The following PKP4 variants were observed in gnomAD, a reference collection of about 807,000 sequenced individuals.
The protein encoded by PKP4 is plakophilin-4.
A neutral mutation model predicts 145.1 loss-of-function variants in PKP4; 90 were observed. That is an observed-to-expected ratio of 0.62 (90% confidence interval 0.52 to 0.74). The LOEUF (loss-of-function observed/expected upper bound fraction) is 0.74, where lower values mean the gene tolerates loss of function less well. Among genes scored for constraint, PKP4 ranks in the 30% least tolerant of loss-of-function variants. The probability of loss-of-function intolerance (pLI) is 0.00; values close to 1 mark genes in which losing one functional copy is unlikely to be tolerated. For synonymous variants in PKP4, 563 were observed against 577.2 expected (o/e 0.98, Z 0.35); for missense variants, 1,340 against 1,482.7 (o/e 0.90, Z 1.58).
Position 158,673,942 on chromosome 2 carries a change from C to A in PKP4, c.3069C>A (p.Phe1023Leu). The A allele has an allele frequency of 6.2e-7, 1 of 1,613,378 alleles. No individual in the cohort carries two copies. Among genetic ancestry groups the A allele is most frequent in the Non-Finnish European group, 8.5e-7 (1 of 1,179,270 alleles). The change falls in exon 19 of 22, where the codon TTC becomes TTA. Residue 1023 changes from phenylalanine to leucine, a missense_variant. Physicochemically the swap from Phe to Leu is conservative, Grantham distance 22. Coordinates refer to ENST00000389759, the MANE Select transcript of PKP4 (RefSeq NM_003628.6). ...TGTCGACATTGGAGCGAGACCGATTCAAATCACATCCTTCCTTGTCTACCA... is the reference window on the plus strand; with the variant it reads ...TGTCGACATTGGAGCGAGACCGATTAAAATCACATCCTTCCTTGTCTACCA... ...TPVSTLERDR[F>L]KSHPSLSTTN...
At chr2:158,657,192 C>G (rs2056060704) in intron 11 of PKP4, among the ~76,000 whole-genome samples, 1 of 152,192 alleles carries the variant, frequency 6.6e-6, no homozygotes, top group Non-Finnish European at 1.5e-5. Flanking sequence ...CTACTTTCCT[C>G]TTACTCAGGA....
intron 17 of PKP4, among the ~76,000 whole-genome samples, chr2:158,673,197 G>A (rs762293446): frequency 1.1e-4 from 16 of 152,140 alleles, no homozygotes; most frequent in East Asian, 1.9e-4. Flanking sequence ...ACATTAGAAC[G>A]CACATTAGTC....
At position 158,681,053 on chromosome 2, in the gene PKP4, T is replaced by C. The variant is rs2058399317; in HGVS notation, c.*376T>C. 5.8e-6 allele frequency: 1 copy of C among 172,062 alleles called. No individual in the cohort carries two copies. The highest frequency in any genetic ancestry group is 1.2e-5 in the Non-Finnish European group (1 of 80,382). The allele number at this position is 172,062 out of a possible 1,614,324, so 10.7% of individuals were successfully genotyped here. A position where few individuals can be genotyped will look rare whatever the true frequency, so the allele number is the denominator to read the frequency against. The stretch of plus-strand genomic sequence containing the variant: ...GATAGTTTGTACAGAAAAAATAAAA[T>C]GGATGCCCATGTTTTATTGCTATTA... On this transcript the variant is annotated 3_prime_UTR_variant, in exon 22 of 22. Coordinates refer to ENST00000389759, the MANE Select transcript of PKP4 (RefSeq NM_003628.6).
chr2:158,478,879 A>G (rs1375469064), intron 1 of PKP4, among the ~76,000 whole-genome samples: 5 of 152,216 alleles, frequency 3.3e-5, no homozygotes, highest in Non-Finnish European at 7.3e-5. Context: ...TATCCTCTTC[A>G]TTATGTTTTT....
chr2:158,673,806 C>A (rs1279771666), intron 18 of PKP4, 45 bp downstream of exon 18: 1 of 1,464,450 alleles, frequency 6.8e-7, no homozygotes, highest in Non-Finnish European at 9.6e-7. Context: ...TTCATCAGAG[C>A]ACACACTCAT....
At chr2:158,458,204 T>C (rs753462200) in intron 1 of PKP4, 2 of 152,856 alleles carry the variant, frequency 1.3e-5, no homozygotes, top group African/African-American at 2.4e-5. Flanking sequence ...ATGCGAGGAA[T>C]GCACCAGGGG....
chr2:158,619,823 A>G (rs2052022675), intron 4 of PKP4, among the ~76,000 whole-genome samples: 1 of 152,186 alleles, frequency 6.6e-6, no homozygotes, highest in South Asian at 2.1e-4. Context: ...GTGGGGAGAA[A>G]TGGTGATAAG....
At chr2:158,594,249 G>A (rs1268138445) in intron 3 of PKP4, among the ~76,000 whole-genome samples, 1 of 152,122 alleles carries the variant, frequency 6.6e-6, no homozygotes, top group African/African-American at 2.4e-5. Context: ...AACAGCTATA[G>A]CCTACATGAA....
chr2:158,469,793 T>C (rs1206796719), intron 1 of PKP4, among the ~76,000 whole-genome samples: 1 of 152,242 alleles, frequency 6.6e-6, no homozygotes, highest in Non-Finnish European at 1.5e-5. Context: ...CCATTTTCTG[T>C]ATTTGAATGA....
At chr2:158,540,245 AG>A (rs754283997) in intron 2 of PKP4, among the ~76,000 whole-genome samples, 1 of 152,156 alleles carries the variant, frequency 6.6e-6, no homozygotes, top group Non-Finnish European at 1.5e-5. Context: ...ATTGACACTG[AG>A]GGGTTTGTTT....
intron 3 of PKP4, among the ~76,000 whole-genome samples, chr2:158,596,215 A>T (rs1282760132): frequency 6.6e-6 from 1 of 152,204 alleles, no homozygotes; most frequent in Admixed American, 6.5e-5. Flanking sequence ...AAAATGAGCA[A>T]ATCACAAATT....
At chr2:158,508,031 T>C (rs2041147422) in intron 1 of PKP4, among the ~76,000 whole-genome samples, 1 of 151,992 alleles carries the variant, frequency 6.6e-6, no homozygotes, top group South Asian at 2.1e-4. Context: ...AAAGACCATT[T>C]CATCCCTTAG....
At chr2:158,594,342 A>G (rs28641763) in intron 3 of PKP4, among the ~76,000 whole-genome samples, 12,492 of 152,286 alleles carry the variant, frequency 0.082, 684 homozygotes, top group Middle Eastern at 0.17. Flanking sequence ...TATGAAAAGA[A>G]GCCCTTTGCC....
At chr2:158,467,165 C>A (rs142536944) in intron 1 of PKP4, among the ~76,000 whole-genome samples, 1 of 152,100 alleles carries the variant, frequency 6.6e-6, no homozygotes, top group African/African-American at 2.4e-5. Flanking sequence ...CCTTTCCCAA[C>A]CTCACATAAT....
At chr2:158,669,566 C>G (rs1402669324) in intron 16 of PKP4, 154 bp from the exon 17 acceptor site, 2 of 470,530 alleles carry the variant, frequency 4.3e-6, no homozygotes, top group African/African-American at 3.9e-5. Context: ...GACATTTGTC[C>G]TTTTCTTCTT....
chr2:158,581,683 TA>T (rs2048347954), intron 3 of PKP4, among the ~76,000 whole-genome samples: 1 of 152,204 alleles, frequency 6.6e-6, no homozygotes, highest in Non-Finnish European at 1.5e-5. Flanking sequence ...GATTCATTTT[TA>T]ACCCATGCCA....
In PKP4 at chr2:158,676,832, G is replaced by T. The variant is rs771357110; in HGVS notation, c.3221G>T (p.Ser1074Ile). The change falls in exon 20 of 22, where the codon AGC becomes ATC. Residue 1074 changes from serine to isoleucine, a missense_variant. By Grantham distance (142) the Ser-to-Ile change is moderately radical. Transcript: ENST00000389759. ...RTQPPMQYYN[S>I]QGDATHKGLY... ...CAGCCACCTATGCAGTATTACAATA[G>T]CCAAGGGGATGCCACACATAAAGGC... 1 of 1,614,052 alleles carries T rather than the reference G, an allele frequency of 6.2e-7. No homozygotes were observed. Among genetic ancestry groups the T allele is most frequent in the Admixed American group, 1.7e-5 (1 of 60,014 alleles).
At chr2:158,535,016 A>G (rs1001876035) in intron 2 of PKP4, among the ~76,000 whole-genome samples, 69 of 152,260 alleles carry the variant, frequency 4.5e-4, no homozygotes, top group African/African-American at 1.5e-3. Context: ...ATTAATATAT[A>G]TTTGCCGTTT....
chr2:158,536,494 T>C (rs1012262300), intron 2 of PKP4, among the ~76,000 whole-genome samples: 1 of 152,160 alleles, frequency 6.6e-6, no homozygotes. Flanking sequence ...CCTTGGGCAA[T>C]TCATGGTAAG....
Sources: gnomAD v4.1 joint callset for allele counts (sites outside exome capture counted in the v4.1 genomes callset) on GRCh38, gnomAD v4.1.1 for gene constraint, MANE v1.5 for transcripts, NCBI Gene and HGNC (gene_info 2026-07-23, HGNC 2026-07-21) for gene names.